PPM1H: variants seen among roughly 807,000 people sequenced by gnomAD.
PPM1H encodes the protein protein phosphatase 1H.
Under a neutral mutation model 54.9 loss-of-function variants are expected in PPM1H, and 27 were observed. The observed-to-expected ratio is 0.49, with a 90% CI of 0.36 to 0.68. The LOEUF is 0.68. Ranked by LOEUF, PPM1H falls within the 30% of genes least tolerant of loss-of-function variation. The pLI is 0.00. For synonymous variants in PPM1H, 305 were observed against 270.8 expected (o/e 1.13, Z -1.24); for missense variants, 596 against 667.8 (o/e 0.89, Z 1.19).
chr12:62,771,486 G>C (rs1161291914), intron 4 of PPM1H, among the ~76,000 whole-genome samples: 2 of 152,116 alleles, frequency 1.3e-5, no homozygotes, highest in Non-Finnish European at 2.9e-5. Context: ...AAGCAGCTCA[G>C]GAACGCTATC....
At chr12:62,694,750 T>G (rs1239374782) in intron 6 of PPM1H, among the ~76,000 whole-genome samples, 2 of 152,204 alleles carry the variant, frequency 1.3e-5, no homozygotes, top group African/African-American at 4.8e-5. Context: ...AGCATGTAGC[T>G]TCACCTTTTT....
In PPM1H at chr12:62,934,382, G is replaced by A. The variant is rs1296201809; in HGVS notation, c.245+110C>T. On this transcript the variant is annotated intron_variant, in intron 1 of 9. Transcript: ENST00000228705. The surrounding 1 kb of genome is among the most constrained non-coding windows in gnomAD (Gnocchi z 4.2). ...AGCTCCCCGCCGAGGCCTGGACGCCGGCAGCTAGTGAGAGCCCTGAGGCCG... is the reference window on the plus strand; with the variant it reads ...AGCTCCCCGCCGAGGCCTGGACGCCAGCAGCTAGTGAGAGCCCTGAGGCCG... 1.5e-6 allele frequency: 2 copies of A among 1,351,938 alleles called. No homozygotes were observed. Among genetic ancestry groups the A allele is most frequent in the Non-Finnish European group, 1.9e-6 (2 of 1,039,282 alleles). The allele number at this position is 1,351,938 out of a possible 1,614,324, so 83.7% of individuals were successfully genotyped here. A position where few individuals can be genotyped will look rare whatever the true frequency, so the allele number is the denominator to read the frequency against.
chr12:62,763,035 C>T (rs903068184), intron 4 of PPM1H, among the ~76,000 whole-genome samples: 4 of 152,132 alleles, frequency 2.6e-5, no homozygotes, highest in Admixed American at 2.6e-4. Flanking sequence ...AATTTCTCTT[C>T]AACAACCCAA....
chr12:62,823,561 A>G (rs998747466), intron 2 of PPM1H, among the ~76,000 whole-genome samples: 14 of 152,160 alleles, frequency 9.2e-5, no homozygotes, highest in Admixed American at 9.2e-4. Context: ...TGATCAAGTC[A>G]GCTTCATCCC....
intron 1 of PPM1H, among the ~76,000 whole-genome samples, chr12:62,879,679 T>C (rs929042495): frequency 6.6e-6 from 1 of 152,014 alleles, no homozygotes; most frequent in Non-Finnish European, 1.5e-5. Context: ...AGTTGATGGG[T>C]GCAGCAAACC....
chr12:62,896,340 A>C (rs906076227), intron 1 of PPM1H, among the ~76,000 whole-genome samples: 10 of 152,246 alleles, frequency 6.6e-5, no homozygotes, highest in African/African-American at 1.9e-4. Flanking sequence ...AAATTTTTGC[A>C]ATCTACCCAT....
chr12:62,914,835 G>A (rs762576531), intron 1 of PPM1H, among the ~76,000 whole-genome samples: 2 of 152,192 alleles, frequency 1.3e-5, no homozygotes, highest in Non-Finnish European at 2.9e-5. Flanking sequence ...AGAAGGGTAT[G>A]CGCTAGATGT....
intron 9 of PPM1H, among the ~76,000 whole-genome samples, chr12:62,655,393 G>C (rs918942853): frequency 4.6e-5 from 7 of 152,184 alleles, no homozygotes; most frequent in Non-Finnish European, 1.0e-4. Flanking sequence ...TGAAGGAAAA[G>C]AACTGCTTCT....
At chr12:62,921,242 A>T (rs959119222) in intron 1 of PPM1H, among the ~76,000 whole-genome samples, 31 of 152,044 alleles carry the variant, frequency 2.0e-4, no homozygotes, top group Non-Finnish European at 2.9e-4. Flanking sequence ...TTTTCATTTT[A>T]AAAAAAATCA....
intron 4 of PPM1H, among the ~76,000 whole-genome samples, chr12:62,766,994 T>G (rs1233027583): frequency 1.3e-5 from 2 of 152,186 alleles, no homozygotes; most frequent in Non-Finnish European, 2.9e-5. Context: ...CAAATAGGCT[T>G]GCTCAGTTGG....
chr12:62,861,322 C>G (rs934897067), intron 1 of PPM1H, among the ~76,000 whole-genome samples: 1 of 152,206 alleles, frequency 6.6e-6, no homozygotes, highest in African/African-American at 2.4e-5. Context: ...CATTAGGAAG[C>G]ACTAAAATTA....
chr12:62,700,164 C>T (rs2076136275), intron 6 of PPM1H, among the ~76,000 whole-genome samples: 1 of 152,168 alleles, frequency 6.6e-6, no homozygotes, highest in East Asian at 1.9e-4. Flanking sequence ...ATGTCATTCT[C>T]AGCATTTTCT....
intron 4 of PPM1H, among the ~76,000 whole-genome samples, chr12:62,742,493 G>A (rs1002194483): frequency 5.3e-5 from 8 of 152,156 alleles, no homozygotes; most frequent in African/African-American, 1.7e-4. Context: ...CAAACGGAAC[G>A]AAATGCATGT....
At chr12:62,658,285 T>C (rs2075859020) in intron 9 of PPM1H, among the ~76,000 whole-genome samples, 1 of 150,520 alleles carries the variant, frequency 6.6e-6, no homozygotes, top group African/African-American at 2.4e-5. Context: ...CAGTTTTGCC[T>C]GGGCACTGGG....
chr12:62,728,520 T>G (rs2076302276), intron 5 of PPM1H, among the ~76,000 whole-genome samples: 1 of 152,192 alleles, frequency 6.6e-6, no homozygotes, highest in African/African-American at 2.4e-5. Flanking sequence ...AGAAAGTCTC[T>G]GAGTACCCTG....
intron 2 of PPM1H, among the ~76,000 whole-genome samples, chr12:62,824,848 C>G (rs1185709824): frequency 6.6e-6 from 1 of 152,086 alleles, no homozygotes; most frequent in Non-Finnish European, 1.5e-5. Context: ...TGGGCAAGGA[C>G]TTCATGACTA....
chr12:62,740,676 A>C (rs998399088), intron 4 of PPM1H, among the ~76,000 whole-genome samples: 1 of 152,200 alleles, frequency 6.6e-6, no homozygotes. Flanking sequence ...CTTGATCGAC[A>C]CTGCAGCCCT....
chr12:62,703,484 C>T (rs1204546219), intron 6 of PPM1H, among the ~76,000 whole-genome samples: 2 of 151,704 alleles, frequency 1.3e-5, no homozygotes, highest in South Asian at 2.1e-4. Flanking sequence ...AGTCCTAGCC[C>T]GGCAGAGGCA....
At chr12:62,652,401 G>T (rs1565745024) in intron 9 of PPM1H, among the ~76,000 whole-genome samples, 1 of 151,654 alleles carries the variant, frequency 6.6e-6, no homozygotes, top group African/African-American at 2.4e-5. Context: ...TATTTTAAGT[G>T]TATTTTATTA....
Sources: allele counts gnomAD v4.1 joint callset (sites outside exome capture counted in the v4.1 genomes callset), GRCh38; gene constraint gnomAD v4.1.1; non-coding constraint Gnocchi (gnomAD v3.1); transcripts MANE v1.5; gene names NCBI Gene and HGNC (gene_info 2026-07-23, HGNC 2026-07-21).